The following HFE variants were observed in gnomAD, a reference collection of about 807,000 sequenced individuals.
HFE encodes the protein homeostatic iron regulator, also known as hereditary hemochromatosis protein.
HFE carries 36 observed loss-of-function variants against 40.9 expected under a neutral mutation model. The ratio of observed to expected loss-of-function variants is 0.88; its 90% CI spans 0.67 to 1.16. The LOEUF (loss-of-function observed/expected upper bound fraction) is 1.16, where lower values mean the gene tolerates loss of function less well. Among genes scored for constraint, HFE ranks in the 50% most tolerant of loss-of-function variants. The pLI is 0.00. For synonymous variants in HFE, 157 were observed against 165.4 expected, an observed-to-expected ratio of 0.95 and a Z score of 0.39; for missense variants, 376 against 432.0, an observed-to-expected ratio of 0.87 and a Z score of 1.15.
rs1324248557 is a variant in HFE at position 26,097,295 on chromosome 6, A to G, written c.*3069A>G. The stretch of plus-strand genomic sequence containing the variant: ...ACTGTGGCCTGTTAATTTTTTTAAT[A>G]GAAATTTTAAGTCCTCATTTTCTTT... On this transcript the variant is annotated 3_prime_UTR_variant, in exon 6 of 6. Transcript: ENST00000357618. The G allele has an allele frequency of 6.6e-6, 1 of 152,226 alleles. No homozygotes were observed. The highest frequency in any genetic ancestry group is 1.5e-5 in the Non-Finnish European group (1 of 68,026). The allele number at this position is 152,226 out of a possible 1,614,324, so 9.4% of individuals were successfully genotyped here.
At chr6:26,091,620 C>A in intron 3 of HFE, 31 bp downstream of exon 3, 2 of 1,606,638 alleles carry the variant, frequency 1.2e-6, no homozygotes, top group Middle Eastern at 4.4e-4. Flanking sequence ...TGCCCCTATA[C>A]TCTAGTGGCA....
intron 1 of HFE, among the ~76,000 whole-genome samples, chr6:26,089,822 G>T (rs1019911076): frequency 6.6e-6 from 1 of 152,088 alleles, no homozygotes; most frequent in African/African-American, 2.4e-5. Context: ...AGCTACTCGG[G>T]AGGCTGAGGT....
At position 26,094,311 on chromosome 6, in the gene HFE, GGA is replaced by G. The variant is rs1379198200; in HGVS notation, c.*91_*92del. 18 of 1,258,732 alleles carry G rather than the reference GGA, an allele frequency of 1.4e-5. No homozygotes were observed. The highest frequency in any genetic ancestry group is 2.1e-5 in the Non-Finnish European group (18 of 862,484). The allele number at this position is 1,258,732 out of a possible 1,614,324, so 78.0% of individuals were successfully genotyped here. A position where few individuals can be genotyped will look rare whatever the true frequency, so the allele number is the denominator to read the frequency against. Reference sequence around the variant, plus strand: ...GCATTTATGAGCTCTTCATGTTTCAGGAGAGAGTTGAACCTAAACATAGAAAT... The same window carrying G: ...GCATTTATGAGCTCTTCATGTTTCAGGAGAGTTGAACCTAAACATAGAAAT... On this transcript the variant is annotated 3_prime_UTR_variant, in exon 6 of 6. Coordinates refer to ENST00000357618, the MANE Select transcript of HFE (RefSeq NM_000410.4).
chr6:26,090,836 T>C lies in HFE; in HGVS notation c.77-5T>C. The stretch of plus-strand genomic sequence containing the variant: ...CATGGTTAAGGCCTGTTGCTCTGTC[T>C]CCAGGTTCACACTCTCTGCACTACC... On this transcript the variant is annotated splice_region_variant and splice_polypyrimidine_tract_variant and intron_variant, in intron 1 of 5. Coordinates refer to ENST00000357618, the MANE Select transcript of HFE (RefSeq NM_000410.4). 1 of 1,613,468 alleles carries C rather than the reference T, an allele frequency of 6.2e-7. No individual in the cohort carries two copies.
In HFE at chr6:26,091,451, C is replaced by A. The variant is rs773142591; in HGVS notation, c.478C>A (p.Pro160Thr). ...CACACTGGATTGGAGAGCAGCAGAA[C>A]CCAGGGCCTGGCCCACCAAGCTGGA... ...PDTLDWRAAEPRAWPTKLEWE... is the reference protein window; with the variant it reads ...PDTLDWRAAETRAWPTKLEWE... Residue 160 changes from proline (P) to threonine (T), a missense_variant, in exon 3 of 6, where the codon CCC (proline) becomes ACC (threonine). Physicochemically the swap from Pro to Thr is conservative, Grantham distance 38 (BLOSUM62 -1). Transcript: ENST00000357618. 3.1e-6 allele frequency: 5 copies of A among 1,613,988 alleles called. No individual in the cohort carries two copies. The African/African-American group carries it at 5.3e-5, about 17-fold the overall frequency.
Position 26,091,538 on chromosome 6 carries a change from G to A in HFE, c.565G>A (p.Ala189Thr), listed in dbSNP as rs768644440. 3.1e-6 allele frequency: 5 copies of A among 1,613,954 alleles called. No homozygotes were observed. In the Admixed American group the frequency reaches 5.0e-5, roughly 16 times the overall value. Residue 189 changes from alanine to threonine, a missense_variant, in exon 3 of 6, where the codon GCA becomes ACA. Transcript: ENST00000357618. ...NRAYLERDCP[A>T]QLQQLLELGR... ...GGCCTACCTGGAGAGGGACTGCCCT[G>A]CACAGCTGCAGCAGTTGCTGGAGCT...
In HFE at chr6:26,092,815, G is replaced by A. The variant is rs747277009; in HGVS notation, c.747G>A (p.Lys249=). Residue 249 remains lysine, a synonymous_variant, in exon 4 of 6, where the codon AAG becomes AAA. Transcript: ENST00000357618. The part of the protein sequence containing the change: ...WLKDKQPMDA[K]EFEPKDVLPN... ...AGGATAAGCAGCCAATGGATGCCAA[G>A]GAGTTCGAACCTAAAGACGTATTGC... is the stretch of plus-strand genomic sequence containing the variant. 2.9e-5 allele frequency: 47 copies of A among 1,614,106 alleles called. No homozygotes were observed. The highest frequency in any genetic ancestry group is 3.6e-5 in the Non-Finnish European group (43 of 1,180,050).
chr6:26,089,788 G>A (rs760627535), intron 1 of HFE, among the ~76,000 whole-genome samples: 8 of 152,018 alleles, frequency 5.3e-5, no homozygotes, highest in Non-Finnish European at 1.2e-4. Flanking sequence ...TTAGCTGGGT[G>A]TGGTGGCATG....
At chr6:26,088,550 C>T (rs1433805466) in intron 1 of HFE, among the ~76,000 whole-genome samples, 3 of 152,188 alleles carry the variant, frequency 2.0e-5, no homozygotes, top group African/African-American at 2.4e-5. Flanking sequence ...GGTCACACGC[C>T]GGCCTCAGCA....
At position 26,096,501 on chromosome 6, in the gene HFE, C is replaced by A. The variant is rs1226341837; in HGVS notation, c.*2275C>A. On this transcript the variant is annotated 3_prime_UTR_variant, in exon 6 of 6. Coordinates refer to ENST00000357618, the MANE Select transcript of HFE (RefSeq NM_000410.4). Reference sequence around the variant, plus strand: ...ACTTTATGTTACTACATGCACTTGGCTGCATAAATGTGGTACAAGCATTCT... The same window carrying A: ...ACTTTATGTTACTACATGCACTTGGATGCATAAATGTGGTACAAGCATTCT... 2.2e-6 allele frequency: 1 copy of A among 456,460 alleles called. No homozygotes were observed. The highest frequency in any genetic ancestry group is 1.5e-5 in the South Asian group (1 of 64,556). The allele number at this position is 456,460 out of a possible 1,614,324, so 28.3% of individuals were successfully genotyped here.
intron 1 of HFE, among the ~76,000 whole-genome samples, chr6:26,090,312 G>A (rs1260294881): frequency 2.6e-5 from 4 of 151,934 alleles, no homozygotes; most frequent in African/African-American, 7.2e-5. Context: ...GTGTGGTGGC[G>A]CACGCCTATA....
At chr6:26,092,065 T>C (rs543532644) in intron 3 of HFE, among the ~76,000 whole-genome samples, 3 of 149,968 alleles carry the variant, frequency 2.0e-5, no homozygotes, top group African/African-American at 7.4e-5. Flanking sequence ...TCCCAGCTAA[T>C]TGGAAGGCTG....
intron 3 of HFE, 22 bp from the exon 4 acceptor site, chr6:26,092,663 A>T (rs1366637548): frequency 6.2e-7 from 1 of 1,614,130 alleles, no homozygotes; most frequent in Admixed American, 1.7e-5. Context: ...CCCTCTCCTC[A>T]TCCTTCCTCT....
In HFE at chr6:26,096,393, C is replaced by G. The variant is rs1481372184; in HGVS notation, c.*2167C>G. The G allele has an allele frequency of 2.2e-6, 1 of 453,054 alleles. No homozygotes were observed. Among genetic ancestry groups the G allele is most frequent in the Admixed American group, 2.4e-5 (1 of 42,118 alleles). The allele number at this position is 453,054 out of a possible 1,614,324, so 28.1% of individuals were successfully genotyped here. A position where few individuals can be genotyped will look rare whatever the true frequency, so the allele number is the denominator to read the frequency against. Reference sequence around the variant, plus strand: ...TCGTGATCCGCCTGCCTCGGCCTCCCAAAGTGCTGAGATTACAGGTGTGAG... The same window carrying G: ...TCGTGATCCGCCTGCCTCGGCCTCCGAAAGTGCTGAGATTACAGGTGTGAG... On this transcript the variant is annotated 3_prime_UTR_variant, in exon 6 of 6. Transcript: ENST00000357618.
chr6:26,094,114 TAAGG>T (rs1762910227), intron 5 of HFE, 68 bp from the exon 6 acceptor site: 6 of 1,417,402 alleles, frequency 4.2e-6, no homozygotes, highest in Admixed American at 3.3e-5. Context: ...ATGAGGAAAA[TAAGG>T]AAGAGAGAAG....
In HFE at chr6:26,092,676, C is replaced by G; in HGVS notation, c.617-9C>G. 6.2e-7 allele frequency: 1 copy of G among 1,614,214 alleles called. No individual in the cohort carries two copies. Among genetic ancestry groups the G allele is most frequent in the Non-Finnish European group, 8.5e-7 (1 of 1,180,030 alleles). ...TCCCCTCTCCTCATCCTTCCTCTTT[C>G]CTGTCAAGTGCCTCCTTTGGTGAAG... On this transcript the variant is annotated splice_polypyrimidine_tract_variant and intron_variant, in intron 3 of 5. Coordinates refer to ENST00000357618, the MANE Select transcript of HFE (RefSeq NM_000410.4).
intron 3 of HFE, among the ~76,000 whole-genome samples, chr6:26,092,173 TAAA>T (rs34225963): frequency 4.7e-4 from 46 of 98,694 alleles, no homozygotes; most frequent in South Asian, 3.2e-3. Flanking sequence ...GACTCCATCT[TAAA>T]AAAAAAAAAA....
chr6:26,089,212 C>A (rs542294204), intron 1 of HFE, among the ~76,000 whole-genome samples: 2 of 152,014 alleles, frequency 1.3e-5, no homozygotes, highest in Non-Finnish European at 2.9e-5. Context: ...AGGAGCACTC[C>A]CCCAGTCTTG....
In HFE at chr6:26,095,517, GA is replaced by G. The variant is rs34409072; in HGVS notation, c.*1301del. On this transcript the variant is annotated 3_prime_UTR_variant, in exon 6 of 6. Coordinates refer to ENST00000357618, the MANE Select transcript of HFE (RefSeq NM_000410.4). The stretch of plus-strand genomic sequence containing the variant: ...AAAATAAAAATAAAAATAAAAAAAT[GA>G]AAAAAAAAAGAAAGTGAAGTATAGA... The G allele has an allele frequency of 0.12, 17,014 of 141,334 alleles. 1,102 individuals carry two copies. The highest frequency in any genetic ancestry group is 0.18 in the African/African-American group (7,081 of 38,672). The allele number at this position is 141,334 out of a possible 1,614,324, so 8.8% of individuals were successfully genotyped here.
Sources: allele counts gnomAD v4.1 joint callset (sites outside exome capture counted in the v4.1 genomes callset), GRCh38; gene constraint gnomAD v4.1.1; transcripts MANE v1.5; gene names NCBI Gene and HGNC (gene_info 2026-07-23, HGNC 2026-07-21).